POLG: variants seen among roughly 807,000 people sequenced by gnomAD.
The protein encoded by POLG is DNA polymerase subunit gamma-1.
A neutral mutation model predicts 155.4 loss-of-function variants in POLG; 110 were observed. That is an observed-to-expected ratio of 0.71 (90% CI 0.61 to 0.83). The LOEUF is 0.83. Among genes scored for constraint, POLG ranks in the 40% least tolerant of loss-of-function variants. The pLI is 0.00. For synonymous variants in POLG, 701 were observed against 631.5 expected (o/e 1.11, Z -1.65); for missense variants, 1,685 against 1,627.5 (o/e 1.04, Z -0.61).
intron 18 of POLG, among the ~76,000 whole-genome samples, chr15:89,320,279 C>G (rs997275022): frequency 6.6e-6 from 1 of 152,204 alleles, no homozygotes. Flanking sequence ...GCCCTGAGCA[C>G]ACAGTATGCA....
intron 22 of POLG, 117 bp from the exon 23 acceptor site, chr15:89,316,944 T>A: frequency 3.8e-6 from 3 of 785,762 alleles, no homozygotes; most frequent in South Asian, 2.8e-5. Flanking sequence ...TTGAGAACAA[T>A]TGCCACGAAC....
chr15:89,323,053 G>GCACA (rs1567187960), intron 13 of POLG, 151 bp from the exon 14 acceptor site: 6 of 724,960 alleles, frequency 8.3e-6, no homozygotes, highest in East Asian at 5.1e-5. Context: ...GCGCGCACGC[G>GCACA]CGCACGCACA....
At position 89,317,492 on chromosome 15, in the gene POLG, G is replaced by A. The variant is rs776031396; in HGVS notation, c.3527C>T (p.Ser1176Leu). 4.3e-6 allele frequency: 7 copies of A among 1,613,978 alleles called. No homozygotes were observed. Among genetic ancestry groups the A allele is most frequent in the Non-Finnish European group, 5.9e-6 (7 of 1,179,994 alleles). ...YKLGLNDLPQ[S>L]VAFFSAVDID... ...ATCGACTGCACTGAAAAAGGCGACT[G>A]ACTGGGGCAAGTCATTCAGACCCAG... The change falls in exon 22 of 23, where the codon TCA becomes TTA. Residue 1176 changes from serine (S) to leucine (L), a missense_variant. Transcript: ENST00000268124.
At chr15:89,334,209 G>A (rs1458882963) in intron 1 of POLG, among the ~76,000 whole-genome samples, 1 of 152,228 alleles carries the variant, frequency 6.6e-6, no homozygotes, top group African/African-American at 2.4e-5. Flanking sequence ...CGAGCTGTGT[G>A]ACCTTGGGCA....
In POLG at chr15:89,328,561, A is replaced by T. The variant is rs773947535; in HGVS notation, c.1171-26T>A. 9.3e-6 allele frequency: 15 copies of T among 1,610,668 alleles called. No individual in the cohort carries two copies. In the Admixed American group the frequency reaches 1.2e-4, roughly 13 times the overall value. On this transcript the variant is annotated intron_variant, in intron 5 of 22. Transcript: ENST00000268124. ...CTGGCACAAGGTGACAGGAAGGCGC[A>T]AGGTGGGCAGCCATCCCATTACCAC...
rs1555454339 is a variant in POLG, at chr15:89,333,618, T to C, written c.137A>G (p.Gln46Arg). Residue 46 changes from glutamine (Q) to arginine (R), a missense_variant, in exon 2 of 23, where the codon CAG (glutamine) becomes CGG (arginine). By Grantham distance (43) the Gln-to-Arg change is conservative. Around this residue, in one of 3 missense-constraint regions of POLG, gnomAD observed 1,210 missense variants for 1,167.1 expected, o/e 1.04. Transcript: ENST00000268124. ...SDGQRRRQQQ[Q>R]QQQQQQQQQP... Reference sequence around the variant, plus strand: ...CTGTTGCTGCTGCTGCTGCTGCTGCTGCTGCTGCTGCCGCCGCCGCTGCCC... The same window carrying C: ...CTGTTGCTGCTGCTGCTGCTGCTGCCGCTGCTGCTGCCGCCGCCGCTGCCC... 1.9e-6 allele frequency: 3 copies of C among 1,600,778 alleles called. No individual in the cohort carries two copies. Among genetic ancestry groups the C allele is most frequent in the African/African-American group, 1.3e-5 (1 of 74,572 alleles).
At chr15:89,329,175 A>AAGCAGTGGTGGG in intron 3 of POLG, 65 bp from the exon 4 acceptor site, 3 of 1,432,692 alleles carry the variant, frequency 2.1e-6, no homozygotes, top group Non-Finnish European at 2.9e-6. Context: ...CCAGCCCACC[A>AAGCAGTGGTGGG]CTGCTTGGTG....
Position 89,324,164 on chromosome 15 carries a change from C to T in POLG, c.2013G>A (p.Gln671=), listed in dbSNP as rs749450925. ...GGAACTCCTCCGCCAGGCCGGCCTCCTGGGGCATCAGCTGCTGCTTCCCCT... is the reference window on the plus strand; with the variant it reads ...GGAACTCCTCCGCCAGGCCGGCCTCTTGGGGCATCAGCTGCTGCTTCCCCT... ...LEQGKQQLMP[Q]EAGLAEEFLL... The change falls in exon 11 of 23, where the codon CAG becomes CAA. Residue 671 remains glutamine, a synonymous_variant. Coordinates refer to ENST00000268124, the MANE Select transcript of POLG (RefSeq NM_002693.3). The T allele has an allele frequency of 3.1e-6, 5 of 1,614,010 alleles. No homozygotes were observed. Among genetic ancestry groups the T allele is most frequent in the Non-Finnish European group, 3.4e-6 (4 of 1,180,036 alleles).
chr15:89,318,493 C>A, intron 21 of POLG, 48 bp downstream of exon 21: 2 of 1,530,012 alleles, frequency 1.3e-6, no homozygotes, highest in Non-Finnish European at 1.8e-6. Flanking sequence ...CACCCAAAGC[C>A]CCACATAGGA....
In POLG at chr15:89,327,192, C is replaced by T; in HGVS notation, c.1408G>A (p.Ala470Thr). The T allele has an allele frequency of 6.2e-7, 1 of 1,614,258 alleles. No homozygotes were observed. The highest frequency in any genetic ancestry group is 8.5e-7 in the Non-Finnish European group (1 of 1,180,044). Reference sequence around the variant, plus strand: ...CTCTCTCCTGAGAGCAGCTGGCAGGCATCATTGGCCAGATCCATCAACGAC... The same window carrying T: ...CTCTCTCCTGAGAGCAGCTGGCAGGTATCATTGGCCAGATCCATCAACGAC... ...KKSLMDLANDACQLLSGERYK... is the reference protein window; with the variant it reads ...KKSLMDLANDTCQLLSGERYK... Residue 470 changes from alanine to threonine, a missense_variant, in exon 7 of 23, where the codon GCC (alanine) becomes ACC (threonine). Ala to Thr is a moderately conservative substitution (Grantham distance 58). Transcript: ENST00000268124.
At position 89,320,932 on chromosome 15, in the gene POLG, C is replaced by T. The variant is rs748045254; in HGVS notation, c.2815G>A (p.Val939Met). 1.7e-5 allele frequency: 28 copies of T among 1,613,914 alleles called. No homozygotes were observed. The highest frequency in any genetic ancestry group is 2.3e-5 in the Non-Finnish European group (27 of 1,180,034). ...TTGGCATGCTCACGGCTGATGCCCACAGTAGTGGCTGTCTTACTGTGTAGA... is the reference window on the plus strand; with the variant it reads ...TTGGCATGCTCACGGCTGATGCCCATAGTAGTGGCTGTCTTACTGTGTAGA... ...TDLHSKTATT[V>M]GISREHAKIF... The change falls in exon 18 of 23, where the codon GTG becomes ATG. Residue 939 changes from valine (V) to methionine (M), a missense_variant. Physicochemically the swap from Val to Met is conservative, Grantham distance 21 (BLOSUM62 1). Coordinates refer to ENST00000268124, the MANE Select transcript of POLG (RefSeq NM_002693.3).
chr15:89,326,497 G>C (rs755199826), intron 9 of POLG, 115 bp downstream of exon 9: 47 of 1,158,876 alleles, frequency 4.1e-5, no homozygotes, highest in Non-Finnish European at 5.8e-5. Context: ...AATGGCAGCA[G>C]GTCAATAAGT....
At chr15:89,317,117 T>TTATC (rs1160478111) in intron 22 of POLG, 10 of 593,548 alleles carry the variant, frequency 1.7e-5, no homozygotes, top group Non-Finnish European at 3.0e-5. Flanking sequence ...ATAGAATAAA[T>TTATC]TATCTTTAAA....
At position 89,320,912 on chromosome 15, in the gene POLG, A is replaced by C. The variant is rs781364914; in HGVS notation, c.2835T>G (p.His945Gln). Reference protein sequence around the residue: ...TATTVGISREHAKIFNYGRIY... With the variant: ...TATTVGISREQAKIFNYGRIY... ...TGCGGCCGTAGTTGAAGATTTTGGC[A>C]TGCTCACGGCTGATGCCCACAGTAG... is the stretch of plus-strand genomic sequence containing the variant. The change falls in exon 18 of 23, where the codon CAT (histidine) becomes CAG (glutamine). Residue 945 changes from histidine (H) to glutamine (Q), a missense_variant. By Grantham distance (24) the His-to-Gln change is conservative. Transcript: ENST00000268124. 5.6e-6 allele frequency: 9 copies of C among 1,613,876 alleles called. No homozygotes were observed. The East Asian group carries it at 2.0e-4, about 36-fold the overall frequency.
intron 2 of POLG, among the ~76,000 whole-genome samples, chr15:89,330,756 T>C (rs1302577820): frequency 2.2e-5 from 1 of 45,256 alleles, no homozygotes; most frequent in African/African-American, 1.8e-4. Context: ...TGACAAATGC[T>C]GCTGCACACA....
At chr15:89,334,603 T>G (rs1037576118) in intron 1 of POLG, 70 bp downstream of exon 1, 4 of 152,256 alleles carry the variant, frequency 2.6e-5, no homozygotes, top group African/African-American at 9.6e-5. Context: ...CCTCGCTCCC[T>G]GACTGGAGAG....
In POLG at chr15:89,325,516, C is replaced by G. The variant is rs201871736; in HGVS notation, c.1883G>C (p.Arg628Pro). ...TGTCGGCAGCTTGGCCAGGTTGTCCCGCCGCCCAGGCACCAAGTAGCCCCA... is the reference window on the plus strand; with the variant it reads ...TGTCGGCAGCTTGGCCAGGTTGTCCGGCCGCCCAGGCACCAAGTAGCCCCA... ...HGWGYLVPGR[R>P]DNLAKLPTGT... is the part of the protein sequence containing the mutation. Residue 628 changes from arginine (R) to proline (P), a missense_variant, in exon 10 of 23, where the codon CGG (arginine) becomes CCG (proline). Transcript: ENST00000268124. The G allele has an allele frequency of 6.2e-7, 1 of 1,611,562 alleles. No individual in the cohort carries two copies. The highest frequency in any genetic ancestry group is 8.5e-7 in the Non-Finnish European group (1 of 1,179,990).
Position 89,316,574 on chromosome 15 carries a change from C to A in POLG, c.*177G>T. ...GATGTTGGCATCTTGGTTCTGAACCCACTGAATTCAACTGCACCTTCAGTT... is the reference window on the plus strand; with the variant it reads ...GATGTTGGCATCTTGGTTCTGAACCAACTGAATTCAACTGCACCTTCAGTT... On this transcript the variant is annotated 3_prime_UTR_variant, in exon 23 of 23. Transcript: ENST00000268124. The A allele has an allele frequency of 8.4e-7, 1 of 1,195,836 alleles. No individual in the cohort carries two copies. Among genetic ancestry groups the A allele is most frequent in the East Asian group, 2.5e-5 (1 of 39,844 alleles). 74.1% of individuals were successfully genotyped at this position (1,195,836 alleles called of 1,614,324 possible). A position where few individuals can be genotyped will look rare whatever the true frequency, so the allele number is the denominator to read the frequency against.
intron 10 of POLG, among the ~76,000 whole-genome samples, chr15:89,325,179 A>AGT (rs1291088013): frequency 1.7e-5 from 1 of 59,468 alleles, no homozygotes; most frequent in Non-Finnish European, 2.9e-5. Context: ...AGAGAGTGAG[A>AGT]GAGTGAGTGA....
Sources: gnomAD v4.1 joint callset for allele counts (sites outside exome capture counted in the v4.1 genomes callset) on GRCh38, gnomAD v4.1.1 for gene constraint, gnomAD v4.1.1 regional missense constraint, MANE v1.5 for transcripts, NCBI Gene and HGNC (gene_info 2026-07-23, HGNC 2026-07-21) for gene names.